The following TUSC3 variants were observed in gnomAD, a reference collection of about 807,000 sequenced individuals.
TUSC3 encodes dolichyl-diphosphooligosaccharide--protein glycosyltransferase subunit TUSC3.
TUSC3 carries 45 observed loss-of-function variants against 44.8 expected under a neutral mutation model. That is an observed-to-expected ratio of 1.00 (90% CI 0.79 to 1.29). The LOEUF (loss-of-function observed/expected upper bound fraction) is 1.29, where lower values mean the gene tolerates loss of function less well. Among genes scored for constraint, TUSC3 ranks in the 50% most tolerant of loss-of-function variants. The pLI, the probability that TUSC3 is intolerant of heterozygous loss-of-function variation, is 0.00. For synonymous variants in TUSC3, 212 were observed against 152.9 expected, an observed-to-expected ratio of 1.39 and a Z score of -2.85; for missense variants, 519 against 437.9, an observed-to-expected ratio of 1.19 and a Z score of -1.65.
chr8:15,542,190 G>A (rs979699277), intron 1 of TUSC3, among the ~76,000 whole-genome samples: 1 of 151,828 alleles, frequency 6.6e-6, no homozygotes, highest in Non-Finnish European at 1.5e-5. Context: ...AAGGGGGAGG[G>A]GCATCCAGGT....
intron 2 of TUSC3, among the ~76,000 whole-genome samples, chr8:15,499,236 T>C (rs1216303294): frequency 6.6e-6 from 1 of 152,202 alleles, no homozygotes; most frequent in Non-Finnish European, 1.5e-5. Flanking sequence ...TTACCTGAAA[T>C]TATTTAAACA....
the TUSC3 span, among the ~76,000 whole-genome samples, chr8:15,832,293 T>C: frequency 6.6e-6 from 1 of 152,104 alleles, no homozygotes; most frequent in African/African-American, 2.4e-5. Flanking sequence ...AAGGAAACAC[T>C]GAATATGGAA....
At chr8:15,563,431 G>A (rs1802549652) in intron 1 of TUSC3, among the ~76,000 whole-genome samples, 1 of 151,994 alleles carries the variant, frequency 6.6e-6, no homozygotes, top group South Asian at 2.1e-4. Context: ...GAACAAGCTG[G>A]AATCCCAGCA....
At position 15,731,927 on chromosome 8, in the gene TUSC3, C is replaced by T. The variant is rs141263213; in HGVS notation, c.862+1198C>T. Among the ~76,000 whole-genome samples the T allele has an allele frequency of 2.9e-3, 435 of 152,110 alleles. 2 individuals are homozygous for T. Among genetic ancestry groups the T allele is most frequent in the African/African-American group, 0.01 (419 of 41,494 alleles). On this transcript the variant is annotated intron_variant, in intron 7 of 10. Transcript: ENST00000503731. ...ATCAAGTGGTGGTATATAGTGATTACGGTATGGTGGGGAAAAGGGATGGAA... is the reference window on the plus strand; with the variant it reads ...ATCAAGTGGTGGTATATAGTGATTATGGTATGGTGGGGAAAAGGGATGGAA...
At chr8:15,812,791 T>A in the TUSC3 span, among the ~76,000 whole-genome samples, 6 of 151,968 alleles carry the variant, frequency 3.9e-5, no homozygotes, top group Non-Finnish European at 8.8e-5. Flanking sequence ...TGATTTTATA[T>A]CATATGAAGA....
intron 2 of TUSC3, among the ~76,000 whole-genome samples, chr8:15,510,019 GA>G (rs1484416028): frequency 6.6e-6 from 1 of 151,958 alleles, no homozygotes; most frequent in African/African-American, 2.4e-5. Flanking sequence ...AAAATAAAAA[GA>G]AAAATAGCGA....
chr8:15,481,784 C>T (rs1231512459), intron 1 of TUSC3, among the ~76,000 whole-genome samples: 1 of 152,142 alleles, frequency 6.6e-6, no homozygotes, highest in Non-Finnish European at 1.5e-5. Context: ...AAATCATAAT[C>T]TTTTTGCCGG....
chr8:15,674,551 C>T (rs1222649848), intron 6 of TUSC3, among the ~76,000 whole-genome samples: 1 of 151,838 alleles, frequency 6.6e-6, no homozygotes, highest in Non-Finnish European at 1.5e-5. Context: ...TTCTTGTACC[C>T]ATCACTAGAC....
chr8:15,434,149 C>T (rs1799914848), intron 1 of TUSC3, among the ~76,000 whole-genome samples: 1 of 152,084 alleles, frequency 6.6e-6, no homozygotes, highest in Non-Finnish European at 1.5e-5. Context: ...TTTAGCCATT[C>T]TAGTGGTGTG....
the TUSC3 span, among the ~76,000 whole-genome samples, chr8:15,795,225 G>A: frequency 2.0e-5 from 3 of 152,056 alleles, no homozygotes; most frequent in African/African-American, 7.3e-5. Flanking sequence ...TTCACCCAAG[G>A]CATTAATCCA....
chr8:15,549,856 C>A (rs1047616573), intron 1 of TUSC3, among the ~76,000 whole-genome samples: 2 of 151,668 alleles, frequency 1.3e-5, no homozygotes, highest in Non-Finnish European at 2.9e-5. Context: ...GGACGAGCCG[C>A]AGACAAGAAC....
intron 6 of TUSC3, among the ~76,000 whole-genome samples, chr8:15,688,540 G>C (rs1808741302): frequency 6.6e-6 from 1 of 151,342 alleles, no homozygotes; most frequent in Non-Finnish European, 1.5e-5. Context: ...CATTGCCCAG[G>C]TAATCAGCAT....
chr8:15,638,563 G>A (rs1403198400), intron 2 of TUSC3, among the ~76,000 whole-genome samples: 1 of 110,980 alleles, frequency 9.0e-6, no homozygotes, highest in Non-Finnish European at 1.7e-5. Context: ...TCACTCTGTT[G>A]CCCATGCTGG....
chr8:15,758,414 T>C (rs905197033), intron 10 of TUSC3: 1 of 327,968 alleles, frequency 3.0e-6, no homozygotes, highest in Non-Finnish European at 4.4e-6. Context: ...TATAATTTTA[T>C]ATGTATGTAA....
chr8:15,430,645 A>G (rs1412975771), intron 1 of TUSC3, among the ~76,000 whole-genome samples: 1 of 151,440 alleles, frequency 6.6e-6, no homozygotes, highest in Admixed American at 6.6e-5. Context: ...CAGGCAGGAG[A>G]AGGAAATAAA....
chr8:15,787,655 T>C, the TUSC3 span, among the ~76,000 whole-genome samples: 1 of 152,214 alleles, frequency 6.6e-6, no homozygotes, highest in African/African-American at 2.4e-5. Flanking sequence ...TTTCACCACA[T>C]AGGAGCTATT....
intron 2 of TUSC3, among the ~76,000 whole-genome samples, chr8:15,523,664 ATGTGTGTGTGTGTGTGTGTGTGTG>A (rs869090876): frequency 7.1e-5 from 3 of 42,508 alleles, no homozygotes; most frequent in African/African-American, 2.6e-4. Flanking sequence ...ATATATATAT[ATGTGTGTGTGTGTGTGTGTGTGTG>A]TGTGTGTGTG....
chr8:15,529,788 GTTT>G (rs35344827), intron 2 of TUSC3, among the ~76,000 whole-genome samples: 1 of 106,974 alleles, frequency 9.3e-6, no homozygotes, highest in Non-Finnish European at 1.8e-5. Flanking sequence ...CTGTGAAAAA[GTTT>G]TTTTTTTTTT....
intron 2 of TUSC3, among the ~76,000 whole-genome samples, chr8:15,494,493 A>G (rs1218593787): frequency 6.6e-6 from 1 of 151,562 alleles, no homozygotes; most frequent in East Asian, 2.0e-4. Context: ...GATTTTTTGT[A>G]TTTTTATTAG....
Sources: allele counts gnomAD v4.1 joint callset (sites outside exome capture counted in the v4.1 genomes callset), GRCh38; gene constraint gnomAD v4.1.1; transcripts MANE v1.5; gene names NCBI Gene and HGNC (gene_info 2026-07-23, HGNC 2026-07-21).